TRAP1: variants seen among roughly 807,000 people sequenced by gnomAD.
The protein encoded by TRAP1 is heat shock protein 75 kDa, mitochondrial.
TRAP1 carries 102 observed loss-of-function variants against 89.1 expected under a neutral mutation model. That is an observed-to-expected ratio of 1.15 (90% CI 0.98 to 1.35). TRAP1 has a LOEUF of 1.35. Ranked by LOEUF, TRAP1 falls within the 40% of genes most tolerant of loss-of-function variation. TRAP1 has a pLI of 0.00. For missense variants in TRAP1, 1,256 were observed against 945.3 expected (o/e 1.33, Z -4.31); for synonymous variants, 508 against 388.0 (o/e 1.31, Z -3.64).
In TRAP1 at chr16:3,662,057, T is replaced by C. The variant is rs1214579027; in HGVS notation, c.1870A>G (p.Met624Val). 1 of 1,613,436 alleles carries C rather than the reference T, an allele frequency of 6.2e-7. No homozygotes were observed. The highest frequency in any genetic ancestry group is 8.5e-7 in the Non-Finnish European group (1 of 1,179,940). ...EMGAARHFLRMQQLAKTQEER... is the reference protein window; with the variant it reads ...EMGAARHFLRVQQLAKTQEER... ...TCCTGGGTCTTGGCCAGCTGCTGCATGCGCAGGAAGTGGCGGGCAGCCCCC... is the reference window on the plus strand; with the variant it reads ...TCCTGGGTCTTGGCCAGCTGCTGCACGCGCAGGAAGTGGCGGGCAGCCCCC... Residue 624 changes from methionine to valine, a missense_variant, in exon 16 of 18, where the codon ATG becomes GTG. Coordinates refer to ENST00000246957, the MANE Select transcript of TRAP1 (RefSeq NM_016292.3).
chr16:3,705,311 C>T (rs765265840), intron 1 of TRAP1, among the ~76,000 whole-genome samples: 9 of 152,014 alleles, frequency 5.9e-5, no homozygotes, highest in East Asian at 1.9e-4. Flanking sequence ...CCTCGTGATC[C>T]GCCCGCATCG....
At chr16:3,674,608 C>T (rs754956020) in intron 8 of TRAP1, 114 bp from the exon 9 acceptor site, 19 of 1,340,778 alleles carry the variant, frequency 1.4e-5, no homozygotes, top group African/African-American at 1.3e-4. Flanking sequence ...CTGGGACAGA[C>T]GGGCGGTGGT....
chr16:3,675,882 C>G (rs559265997), intron 7 of TRAP1, among the ~76,000 whole-genome samples, 154 bp downstream of exon 7: 1 of 152,356 alleles, frequency 6.6e-6, no homozygotes, highest in African/African-American at 2.4e-5. Flanking sequence ...CCCTGGCGGG[C>G]AGCCCCCCTC....
At chr16:3,671,099 C>G (rs370990527) in intron 11 of TRAP1, among the ~76,000 whole-genome samples, 1 of 152,160 alleles carries the variant, frequency 6.6e-6, no homozygotes, top group African/African-American at 2.4e-5. Context: ...GCATGCTGCA[C>G]GTGGTGGGCT....
At chr16:3,676,296 C>T in intron 6 of TRAP1, 151 bp from the exon 7 acceptor site, 2 of 521,956 alleles carry the variant, frequency 3.8e-6, no homozygotes, top group Middle Eastern at 4.2e-4. Context: ...CAGCGCACCA[C>T]TCAGGCCATC....
At position 3,707,923 on chromosome 16, in the gene TRAP1, G is replaced by C. The variant is rs1356964468; in HGVS notation, c.88+9498C>G. ...CTGGGGGCCAGGCACGACGGCTCCT[G>C]CGTGTAATCCCAGTACTTTGGCAGG... On this transcript the variant is annotated intron_variant, in intron 1 of 17. Transcript: ENST00000246957. Among the ~76,000 whole-genome samples the C allele has an allele frequency of 3.3e-5, 5 of 151,790 alleles. No individual in the cohort carries two copies. The East Asian group carries it at 5.8e-4, about 18-fold the overall frequency.
intron 16 of TRAP1, 109 bp downstream of exon 16, chr16:3,661,878 C>T (rs560086287): frequency 1.0e-5 from 14 of 1,379,108 alleles, no homozygotes; most frequent in Middle Eastern, 1.9e-4. Flanking sequence ...CCCACATGTC[C>T]ACAGGCCTCA....
intron 1 of TRAP1, among the ~76,000 whole-genome samples, chr16:3,714,889 A>G (rs2151287762): frequency 6.6e-6 from 1 of 152,224 alleles, no homozygotes; most frequent in East Asian, 1.9e-4. Flanking sequence ...TGGATTTTCT[A>G]CATAGGTGGA....
intron 1 of TRAP1, among the ~76,000 whole-genome samples, chr16:3,692,720 T>A (rs1387111837): frequency 2.7e-5 from 4 of 145,516 alleles, no homozygotes; most frequent in Non-Finnish European, 6.0e-5. Flanking sequence ...TGCCTCAGCC[T>A]CCCGAGTAGC....
intron 1 of TRAP1, among the ~76,000 whole-genome samples, chr16:3,697,034 T>G (rs1405134547): frequency 2.0e-5 from 3 of 152,152 alleles, no homozygotes; most frequent in African/African-American, 7.2e-5. Context: ...CCTAAGGTTA[T>G]GTATTTGAAG....
At chr16:3,672,604 G>C in intron 10 of TRAP1, 96 bp downstream of exon 10, 7 of 1,460,566 alleles carry the variant, frequency 4.8e-6, no homozygotes. Context: ...TCTCGCTGCA[G>C]AGGGCTGCTG....
Position 3,662,969 on chromosome 16 carries a change from T to C in TRAP1, c.1709-2A>G. 6.2e-7 allele frequency: 1 copy of C among 1,607,468 alleles called. No individual in the cohort carries two copies. The highest frequency in any genetic ancestry group is 8.5e-7 in the Non-Finnish European group (1 of 1,179,326). ...CCTTCTCTGATAGGCACTCGGCGGC[T>C]GCGGAAGAGCAGGCGACAGGGAGCT... On this transcript the variant is annotated splice_acceptor_variant, in intron 14 of 17. Coordinates refer to ENST00000246957, the MANE Select transcript of TRAP1 (RefSeq NM_016292.3). LOFTEE classifies it high-confidence loss of function.
chr16:3,710,269 T>C (rs967015545), intron 1 of TRAP1: 1 of 152,168 alleles, frequency 6.6e-6, no homozygotes, highest in Admixed American at 6.5e-5. Flanking sequence ...TTCTAACAAT[T>C]TGATGCTAAC....
intron 1 of TRAP1, among the ~76,000 whole-genome samples, chr16:3,699,837 T>A (rs1316025032): frequency 1.4e-5 from 2 of 145,700 alleles, no homozygotes; most frequent in African/African-American, 2.8e-5. Flanking sequence ...AGGACTAAAT[T>A]CTTTTTTTTT....
At chr16:3,703,618 T>A (rs932451655) in intron 1 of TRAP1, among the ~76,000 whole-genome samples, 8 of 152,152 alleles carry the variant, frequency 5.3e-5, no homozygotes, top group Admixed American at 3.3e-4. Flanking sequence ...CTGAGGCATG[T>A]CAGTGGGAGA....
chr16:3,686,937 C>T (rs2051146078), intron 3 of TRAP1: 1 of 152,268 alleles, frequency 6.6e-6, no homozygotes, highest in Non-Finnish European at 1.5e-5. Context: ...CACCACTGCA[C>T]TCCAGCCCCG....
chr16:3,691,230 G>A (rs979355744), intron 1 of TRAP1: 10 of 312,880 alleles, frequency 3.2e-5, no homozygotes, highest in African/African-American at 1.9e-4. Context: ...CGAAACTGGA[G>A]GGGGTGGGCT....
In TRAP1 at chr16:3,685,816, C is replaced by T. The variant is rs559602775; in HGVS notation, c.471+180G>A. Among the ~76,000 whole-genome samples the T allele has an allele frequency of 1.2e-3, 188 of 152,220 alleles. No individual in the cohort carries two copies. The highest frequency in any genetic ancestry group is 4.4e-3 in the African/African-American group (181 of 41,538). On this transcript the variant is annotated intron_variant, in intron 4 of 17. Transcript: ENST00000246957. ...TCAAATTTTCTTCTTTTCTGCTTACCTGCTTTTCCAAAATTTTCTATAATG... is the reference window on the plus strand; with the variant it reads ...TCAAATTTTCTTCTTTTCTGCTTACTTGCTTTTCCAAAATTTTCTATAATG...
intron 11 of TRAP1, among the ~76,000 whole-genome samples, chr16:3,668,796 T>C (rs1382491003): frequency 1.3e-5 from 2 of 152,192 alleles, no homozygotes; most frequent in East Asian, 1.9e-4. Context: ...TCCACAACTA[T>C]GAGTGAGGAC....
Sources: gnomAD v4.1 joint callset for allele counts (sites outside exome capture counted in the v4.1 genomes callset) on GRCh38, gnomAD v4.1.1 for gene constraint, MANE v1.5 for transcripts, NCBI Gene and HGNC (gene_info 2026-07-23, HGNC 2026-07-21) for gene names.